The following TJP2 variants were observed in gnomAD, a reference collection of about 807,000 sequenced individuals.
TJP2 encodes Friedreich ataxia region gene X104 (tight junction protein ZO-2).
A neutral mutation model predicts 133.1 loss-of-function variants in TJP2; 91 were observed. The ratio of observed to expected loss-of-function variants is 0.68; its 90% CI spans 0.58 to 0.81. TJP2 has a LOEUF of 0.81. Among genes scored for constraint, TJP2 ranks in the 40% least tolerant of loss-of-function variants. The pLI, the probability that TJP2 is intolerant of heterozygous loss-of-function variation, is 0.00. For synonymous variants in TJP2, 592 were observed against 583.4 expected (o/e 1.01, Z -0.21); for missense variants, 1,541 against 1,565.6 (o/e 0.98, Z 0.26).
chr9:69,181,123 C>G (rs550739997), intron 1 of TJP2, among the ~76,000 whole-genome samples: 7 of 150,884 alleles, frequency 4.6e-5, no homozygotes, highest in African/African-American at 1.5e-4. Context: ...GAATTTTGTC[C>G]AAAAAAAATT....
upstream of TJP2, chr9:69,174,060 G>C: frequency 9.3e-7 from 1 of 1,078,374 alleles, no homozygotes; most frequent in Non-Finnish European, 1.1e-6. Context: ...CGCGTGACGC[G>C]GTTCGCCGCA....
chr9:69,194,546 C>A (rs1312332516), intron 1 of TJP2, among the ~76,000 whole-genome samples: 1 of 152,164 alleles, frequency 6.6e-6, no homozygotes, highest in East Asian at 1.9e-4. Flanking sequence ...ACATTGCATT[C>A]TTCAGTTGCA....
intron 1 of TJP2, among the ~76,000 whole-genome samples, chr9:69,204,065 C>G (rs990728864): frequency 6.6e-6 from 1 of 152,162 alleles, no homozygotes; most frequent in African/African-American, 2.4e-5. Flanking sequence ...TCATTTCTTG[C>G]CGACATTGCC....
At chr9:69,193,454 T>A (rs1166014574) in intron 1 of TJP2, among the ~76,000 whole-genome samples, 4 of 151,060 alleles carry the variant, frequency 2.6e-5, no homozygotes, top group African/African-American at 9.8e-5. Context: ...CTGCCAGTAA[T>A]TTTTGTTTCT....
At chr9:69,234,591 G>GGC in intron 12 of TJP2, 44 bp downstream of exon 12, 1 of 572,878 alleles carries the variant, frequency 1.7e-6, no homozygotes, top group Non-Finnish European at 3.4e-6. Flanking sequence ...TGGGGGTGGG[G>GGC]AGTGGGAAGG....
At chr9:69,231,188 C>T (rs1829752685) in intron 11 of TJP2, among the ~76,000 whole-genome samples, 1 of 152,142 alleles carries the variant, frequency 6.6e-6, no homozygotes, top group Non-Finnish European at 1.5e-5. Flanking sequence ...CAGATCACCG[C>T]AACCTCCGCC....
chr9:69,219,110 C>T (rs1828612495), intron 4 of TJP2, among the ~76,000 whole-genome samples: 1 of 152,012 alleles, frequency 6.6e-6, no homozygotes, highest in African/African-American at 2.4e-5. Flanking sequence ...GCTGGGATTA[C>T]AGGCATGCAC....
chr9:69,137,319 CTTTTCTTTTCT>C (rs1822817609), intron 1 of TJP2, among the ~76,000 whole-genome samples: 4 of 60,780 alleles, frequency 6.6e-5, no homozygotes, highest in African/African-American at 1.8e-4. Context: ...CTTTTCTTTT[CTTTTCTTTTCT>C]TTTTTTTTTT....
chr9:69,133,030 C>T (rs922004686), intron 1 of TJP2, among the ~76,000 whole-genome samples: 3 of 152,080 alleles, frequency 2.0e-5, no homozygotes, highest in African/African-American at 4.8e-5. Flanking sequence ...GGTGCAATCT[C>T]GACTCACTGC....
chr9:69,203,395 CAGG>C (rs1310748530), intron 1 of TJP2, among the ~76,000 whole-genome samples: 2 of 151,838 alleles, frequency 1.3e-5, no homozygotes, highest in Admixed American at 1.3e-4. Flanking sequence ...TGGCTCACTG[CAGG>C]AGAAGTGATT....
At chr9:69,122,981 C>A (rs901348111) in intron 1 of TJP2, among the ~76,000 whole-genome samples, 1 of 152,100 alleles carries the variant, frequency 6.6e-6, no homozygotes, top group African/African-American at 2.4e-5. Context: ...ACGTGTCTTG[C>A]CACTTTAAGG....
chr9:69,206,578 A>AT (rs917960976), intron 1 of TJP2, among the ~76,000 whole-genome samples: 12 of 92,080 alleles, frequency 1.3e-4, no homozygotes, highest in African/African-American at 4.2e-4. Flanking sequence ...TATTTATTTA[A>AT]TTTTTTTATT....
At chr9:69,121,271 T>C (rs1587858370), upstream of TJP2, 1 of 984,996 alleles carries the variant, frequency 1.0e-6, no homozygotes, top group African/African-American at 1.8e-5. Flanking sequence ...GCCCACCCTC[T>C]CCGCCTTTCC....
chr9:69,236,906 G>A lies in TJP2; in HGVS notation c.1992-43G>A, dbSNP rs201413349. On this transcript the variant is annotated intron_variant, in intron 13 of 22. Coordinates refer to ENST00000377245, the MANE Select transcript of TJP2 (RefSeq NM_004817.4). ...GATTAATGAAATGCATGTTAGCTGC[G>A]TTTTCTGGCTTTAGAGATTTACTTC... is the stretch of plus-strand genomic sequence containing the variant. 2.1e-4 allele frequency: 345 copies of A among 1,605,538 alleles called. 2 individuals are homozygous for A. The highest frequency in any genetic ancestry group is 3.6e-4 in the South Asian group (33 of 90,866).
intron 1 of TJP2, among the ~76,000 whole-genome samples, chr9:69,176,578 A>C (rs566472750): frequency 6.6e-6 from 1 of 152,244 alleles, no homozygotes; most frequent in South Asian, 2.1e-4. Flanking sequence ...CCAGTTTCCC[A>C]GTAAACATCC....
At chr9:69,245,119 G>T (rs749997123) in intron 17 of TJP2, among the ~76,000 whole-genome samples, 7 of 152,166 alleles carry the variant, frequency 4.6e-5, no homozygotes, top group Non-Finnish European at 1.0e-4. Flanking sequence ...TACCATAATA[G>T]GAATAGAGAA....
intron 2 of TJP2, among the ~76,000 whole-genome samples, chr9:69,154,837 C>T (rs1401023905): frequency 6.6e-6 from 1 of 151,674 alleles, no homozygotes; most frequent in East Asian, 1.9e-4. Context: ...TGGTGAAGAG[C>T]TTCATTTTCT....
At chr9:69,207,059 G>T (rs561703697) in intron 1 of TJP2, among the ~76,000 whole-genome samples, 3 of 152,180 alleles carry the variant, frequency 2.0e-5, no homozygotes, top group African/African-American at 4.8e-5. Context: ...TCCTGCCCAG[G>T]TCACCTCATC....
At chr9:69,229,975 TA>T in intron 10 of TJP2, 106 bp from the exon 11 acceptor site, 1 of 1,413,454 alleles carries the variant, frequency 7.1e-7, no homozygotes, top group Non-Finnish European at 1.0e-6. Context: ...TTGTAAACTA[TA>T]AATCACTCTG....
Sources: allele counts gnomAD v4.1 joint callset (sites outside exome capture counted in the v4.1 genomes callset), GRCh38; gene constraint gnomAD v4.1.1; transcripts MANE v1.5; gene names NCBI Gene and HGNC (gene_info 2026-07-23, HGNC 2026-07-21).